Variants in PARP8 observed in about 807,000 individuals in gnomAD.
PARP8 encodes the protein poly(ADP-ribose) polymerase family member 8, also known as protein mono-ADP-ribosyltransferase PARP8.
In PARP8, 51 loss-of-function variants were observed where a neutral mutation model predicts 124.1. The observed-to-expected ratio is 0.41, with a 90% CI of 0.33 to 0.52. The LOEUF is 0.52. Among genes scored for constraint, PARP8 ranks in the 20% least tolerant of loss-of-function variants. The probability of loss-of-function intolerance (pLI) is 0.21; values close to 1 mark genes in which losing one functional copy is unlikely to be tolerated. For synonymous variants in PARP8, 391 were observed against 361.5 expected, an observed-to-expected ratio of 1.08 and a Z score of -0.93; for missense variants, 860 against 1,018.9, an observed-to-expected ratio of 0.84 and a Z score of 2.12.
rs78889770 is a variant in PARP8 at position 50,834,725 on chromosome 5, G to T, written c.2378-206G>T. The stretch of plus-strand genomic sequence containing the variant: ...GTCCCTTTTTATTGTTATACCAGTT[G>T]TTATTCAAATTATAAAGTTGTTACA... On this transcript the variant is annotated intron_variant, in intron 24 of 25. Transcript: ENST00000281631. The T allele has an allele frequency of 2.8e-3, 1,607 of 571,156 alleles. 19 individuals carry two copies. The highest frequency in any genetic ancestry group is 0.026 in the African/African-American group (1,376 of 53,118). 35.4% of individuals were successfully genotyped at this position (571,156 alleles called of 1,614,324 possible).
At chr5:50,774,251 C>T (rs144261366) in intron 7 of PARP8, among the ~76,000 whole-genome samples, 2,342 of 152,208 alleles carry the variant, frequency 0.015, 63 homozygotes, top group African/African-American at 0.054. Flanking sequence ...TACACAGACA[C>T]GGTAACAATC....
At chr5:50,809,061 T>A (rs775863345) in intron 14 of PARP8, among the ~76,000 whole-genome samples, 5 of 152,088 alleles carry the variant, frequency 3.3e-5, no homozygotes, top group Non-Finnish European at 5.9e-5. Context: ...TTAGTTTTAA[T>A]ACTCAAATAA....
intron 2 of PARP8, among the ~76,000 whole-genome samples, chr5:50,738,826 G>T (rs763258418): frequency 6.6e-6 from 1 of 152,088 alleles, no homozygotes; most frequent in Non-Finnish European, 1.5e-5. Context: ...TGTGGGCCAC[G>T]GCTTGGACGA....
chr5:50,797,223 C>T lies in PARP8; in HGVS notation c.1565C>T (p.Pro522Leu). 1.2e-6 allele frequency: 2 copies of T among 1,606,760 alleles called. No individual in the cohort carries two copies. Among genetic ancestry groups the T allele is most frequent in the Non-Finnish European group, 1.7e-6 (2 of 1,174,974 alleles). The change falls in exon 14 of 26, where the codon CCT (proline) becomes CTT (leucine). Residue 522 changes from proline to leucine, a missense_variant. Pro to Leu is a moderately conservative substitution (Grantham distance 98). Transcript: ENST00000281631. ...CDEPHVFQNG[P>L]MLRPTVCERE... ...GAGCCACATGTGTTTCAAAATGGCC[C>T]TATGCTTAGGGTAAGTTCTTGCTGA...
intron 14 of PARP8, among the ~76,000 whole-genome samples, chr5:50,811,762 TG>T (rs1482325686): frequency 6.6e-6 from 1 of 152,006 alleles, no homozygotes; most frequent in Non-Finnish European, 1.5e-5. Flanking sequence ...CAACAAGCCC[TG>T]GTGTGTGATG....
rs35571636 is a variant in PARP8, at chr5:50,773,832, A to ATTT, written c.519-4221_519-4219dup. Reference sequence around the variant, plus strand: ...GTGTCCTGATGAACTTATTTCATTAATTTTTTTTTTTTTTTTTTAGTATTT... The same window carrying ATTT: ...GTGTCCTGATGAACTTATTTCATTAATTTTTTTTTTTTTTTTTTTTTAGTATTT... On this transcript the variant is annotated intron_variant, in intron 7 of 25. Coordinates refer to ENST00000281631, the MANE Select transcript of PARP8 (RefSeq NM_024615.4). 8.1e-3 allele frequency among the ~76,000 whole-genome samples: 1,100 copies of ATTT among 136,054 alleles called. 13 individuals carry two copies. Among genetic ancestry groups the ATTT allele is most frequent in the African/African-American group, 0.028 (1,002 of 36,002 alleles). The allele number at this position is 136,054 out of a possible 152,430, so 89.3% of individuals were successfully genotyped here.
chr5:50,767,714 C>G (rs1761189822), intron 7 of PARP8, among the ~76,000 whole-genome samples: 1 of 152,130 alleles, frequency 6.6e-6, no homozygotes, highest in East Asian at 1.9e-4. Context: ...CTTGCAAATG[C>G]TTTAATCTGC....
intron 14 of PARP8, among the ~76,000 whole-genome samples, chr5:50,814,810 ATGACACTG>A (rs1228691093): frequency 6.6e-6 from 1 of 152,192 alleles, no homozygotes; most frequent in African/African-American, 2.4e-5. Context: ...AATCAGAGGA[ATGACACTG>A]TATTAGATTT....
intron 2 of PARP8, among the ~76,000 whole-genome samples, chr5:50,729,546 A>G (rs1310315640): frequency 6.6e-6 from 1 of 152,188 alleles, no homozygotes; most frequent in Admixed American, 6.5e-5. Context: ...AAATAAAAGG[A>G]ACAGATAGAT....
At chr5:50,674,833 G>A (rs1393012522) in intron 2 of PARP8, among the ~76,000 whole-genome samples, 1 of 152,142 alleles carries the variant, frequency 6.6e-6, no homozygotes, top group African/African-American at 2.4e-5. Context: ...CCTTGCCCAC[G>A]AATGACATCT....
intron 4 of PARP8, among the ~76,000 whole-genome samples, chr5:50,759,998 G>A (rs1441245613): frequency 2.0e-5 from 3 of 152,104 alleles, no homozygotes; most frequent in African/African-American, 7.2e-5. Flanking sequence ...GTGACAGACT[G>A]AATATTTTAA....
intron 2 of PARP8, among the ~76,000 whole-genome samples, chr5:50,742,931 G>T (rs1758196353): frequency 1.3e-5 from 2 of 152,186 alleles, no homozygotes. Context: ...AAAATCATGG[G>T]AAGATGAAAA....
At chr5:50,726,745 G>A (rs1756467958) in intron 2 of PARP8, among the ~76,000 whole-genome samples, 1 of 152,176 alleles carries the variant, frequency 6.6e-6, no homozygotes, top group African/African-American at 2.4e-5. Context: ...TCATATGCAA[G>A]TACAAAGGAG....
chr5:50,712,579 A>G (rs1451160307), intron 2 of PARP8, among the ~76,000 whole-genome samples: 1 of 152,138 alleles, frequency 6.6e-6, no homozygotes, highest in African/African-American at 2.4e-5. Flanking sequence ...TTCCTCATTT[A>G]CTCATTCAGT....
rs569116015 is a variant in PARP8, at chr5:50,666,998, G to A, written c.-98G>A. Reference sequence around the variant, plus strand: ...CCTTCAGCCCCTGCCTCGGCCAGAGGTTTCATTTTTAACTGAATATTTACG... The same window carrying A: ...CCTTCAGCCCCTGCCTCGGCCAGAGATTTCATTTTTAACTGAATATTTACG... On this transcript the variant is annotated 5_prime_UTR_variant, in exon 1 of 26. Coordinates refer to ENST00000281631, the MANE Select transcript of PARP8 (RefSeq NM_024615.4). 4.0e-5 allele frequency: 63 copies of A among 1,572,170 alleles called. No individual in the cohort carries two copies. In the South Asian group the frequency reaches 5.6e-4, roughly 14 times the overall value.
At chr5:50,683,772 A>G (rs1377080504) in intron 2 of PARP8, among the ~76,000 whole-genome samples, 1 of 152,050 alleles carries the variant, frequency 6.6e-6, no homozygotes, top group Non-Finnish European at 1.5e-5. Flanking sequence ...AACAGAAATA[A>G]ACTCCCTACA....
chr5:50,685,046 T>C (rs1231630556), intron 2 of PARP8, among the ~76,000 whole-genome samples: 1 of 152,206 alleles, frequency 6.6e-6, no homozygotes, highest in African/African-American at 2.4e-5. Context: ...TTTTATGATA[T>C]TCCTGATCAT....
intron 2 of PARP8, among the ~76,000 whole-genome samples, chr5:50,713,506 G>T (rs1477753461): frequency 6.6e-6 from 1 of 151,990 alleles, no homozygotes; most frequent in Non-Finnish European, 1.5e-5. Flanking sequence ...CTCCCATAGT[G>T]CTGGGATTAC....
chr5:50,760,464 A>G (rs1235927589), intron 5 of PARP8, 102 bp downstream of exon 5: 4 of 935,822 alleles, frequency 4.3e-6, no homozygotes, highest in Non-Finnish European at 4.3e-6. Context: ...CTAAAATGGT[A>G]TATGGTGAAT....
Sources: gnomAD v4.1 joint callset for allele counts (sites outside exome capture counted in the v4.1 genomes callset) on GRCh38, gnomAD v4.1.1 for gene constraint, MANE v1.5 for transcripts, NCBI Gene and HGNC (gene_info 2026-07-23, HGNC 2026-07-21) for gene names.